Variants in AFF3 observed in about 807,000 individuals in gnomAD.
AFF3 encodes the protein ALF transcription elongation factor 3.
AFF3 carries 32 observed loss-of-function variants against 129.7 expected under a neutral mutation model. The observed-to-expected ratio is 0.25, with a 90% confidence interval of 0.19 to 0.33. AFF3 has a LOEUF of 0.33. Ranked by LOEUF, AFF3 falls within the 10% of genes least tolerant of loss-of-function variation. AFF3 has a pLI of 1.00. For missense variants in AFF3, 1,373 were observed against 1,592.0 expected (o/e 0.86, Z 2.34); for synonymous variants, 644 against 635.4 (o/e 1.01, Z -0.20).
chr2:99,551,431 A>G lies in AFF3; in HGVS notation c.*43T>C. On this transcript the variant is annotated 3_prime_UTR_variant, in exon 25 of 25. Coordinates refer to ENST00000672756, the MANE Select transcript of AFF3 (RefSeq NM_001386135.1). ...GCACAGTGTCCAAAAACGTTGAGCC[A>G]TCTGTGGAGACCAGAGCCCACTCTG... 1 of 1,612,056 alleles carries G rather than the reference A, an allele frequency of 6.2e-7. No homozygotes were observed.
intron 3 of AFF3, chr2:100,105,205 G>T: frequency 2.8e-6 from 2 of 718,200 alleles, no homozygotes; most frequent in Non-Finnish European, 3.7e-6. Flanking sequence ...TTCTCCCGCG[G>T]CCCAGAATCC....
intron 18 of AFF3, among the ~76,000 whole-genome samples, chr2:99,576,459 T>A (rs1677005766): frequency 6.8e-6 from 1 of 147,250 alleles, no homozygotes; most frequent in African/African-American, 2.5e-5. Context: ...GAGGCTGCAC[T>A]GAGCCATGCT....
intron 8 of AFF3, among the ~76,000 whole-genome samples, chr2:99,802,712 T>C (rs1686037156): frequency 1.1e-5 from 1 of 87,058 alleles, no homozygotes; most frequent in African/African-American, 4.0e-5. Context: ...TTTTTTTTTT[T>C]GCAGCTATTG....
chr2:99,965,728 A>T (rs1677678118), intron 7 of AFF3, among the ~76,000 whole-genome samples: 1 of 152,228 alleles, frequency 6.6e-6, no homozygotes, highest in South Asian at 2.1e-4. Flanking sequence ...TCTGAGCCCA[A>T]GGCCCAGCCT....
intron 7 of AFF3, among the ~76,000 whole-genome samples, chr2:99,897,180 T>A (rs2106120865): frequency 6.6e-6 from 1 of 152,326 alleles, no homozygotes; most frequent in African/African-American, 2.4e-5. Context: ...TAATTTACCA[T>A]AATTATGATT....
At chr2:99,865,434 C>T (rs1281575583) in intron 7 of AFF3, among the ~76,000 whole-genome samples, 1 of 152,154 alleles carries the variant, frequency 6.6e-6, no homozygotes, top group African/African-American at 2.4e-5. Context: ...TGTCAAATTG[C>T]TTGGGTGAGC....
chr2:99,756,888 T>C (rs1000666317), intron 8 of AFF3, among the ~76,000 whole-genome samples: 7 of 152,232 alleles, frequency 4.6e-5, no homozygotes, highest in Admixed American at 3.3e-4. Flanking sequence ...CGAATACCTG[T>C]GAACTCATGA....
chr2:99,618,217 T>C (rs1207109097), intron 13 of AFF3, among the ~76,000 whole-genome samples: 1 of 139,902 alleles, frequency 7.1e-6, no homozygotes, highest in African/African-American at 2.7e-5. Context: ...AAAATGCTCA[T>C]AACATTCTTT....
intron 13 of AFF3, among the ~76,000 whole-genome samples, chr2:99,628,366 T>G (rs1682794719): frequency 6.6e-6 from 1 of 152,116 alleles, no homozygotes; most frequent in Non-Finnish European, 1.5e-5. Context: ...GCTTGCCTAT[T>G]GTTGGTGTAT....
intron 13 of AFF3, among the ~76,000 whole-genome samples, chr2:99,623,205 AG>A (rs1313814975): frequency 6.7e-6 from 1 of 150,200 alleles, no homozygotes; most frequent in East Asian, 2.0e-4. Context: ...ATGCCAAATA[AG>A]GGCAATGATC....
intron 17 of AFF3, among the ~76,000 whole-genome samples, chr2:99,579,746 G>GTATA (rs58622981): frequency 6.6e-6 from 1 of 150,614 alleles, no homozygotes; most frequent in African/African-American, 2.4e-5. Flanking sequence ...ATGTGTGTGT[G>GTATA]TATATATATA....
chr2:99,597,511 G>A (rs894711092), intron 14 of AFF3, among the ~76,000 whole-genome samples: 1 of 152,214 alleles, frequency 6.6e-6, no homozygotes, highest in Non-Finnish European at 1.5e-5. Flanking sequence ...GAGGCAGATT[G>A]CCACATCTCT....
At chr2:99,910,419 T>C (rs1184937011) in intron 7 of AFF3, among the ~76,000 whole-genome samples, 2 of 152,230 alleles carry the variant, frequency 1.3e-5, no homozygotes, top group African/African-American at 4.8e-5. Flanking sequence ...AAGGTCTAGA[T>C]AGAGGATACA....
At chr2:99,997,224 G>A (rs1444868273) in intron 7 of AFF3, among the ~76,000 whole-genome samples, 1 of 152,166 alleles carries the variant, frequency 6.6e-6, no homozygotes, top group East Asian at 1.9e-4. Flanking sequence ...ATGTCTAAGA[G>A]ACAACTCAAA....
intron 11 of AFF3, among the ~76,000 whole-genome samples, chr2:99,710,768 G>A (rs549579771): frequency 5.3e-5 from 8 of 152,264 alleles, no homozygotes; most frequent in South Asian, 2.1e-4. Context: ...AGTTAAAAGT[G>A]GGGGTGGAAT....
intron 8 of AFF3, among the ~76,000 whole-genome samples, chr2:99,818,808 T>C (rs1687434373): frequency 2.0e-5 from 3 of 152,202 alleles, no homozygotes; most frequent in Admixed American, 2.0e-4. Flanking sequence ...TACTAGAACA[T>C]GTATTATAAA....
intron 10 of AFF3, among the ~76,000 whole-genome samples, chr2:99,731,539 T>C (rs1679833640): frequency 6.6e-6 from 1 of 152,196 alleles, no homozygotes; most frequent in Non-Finnish European, 1.5e-5. Context: ...CACAGCTATG[T>C]CTTTCCTTTT....
intron 4 of AFF3, among the ~76,000 whole-genome samples, chr2:100,062,075 G>A (rs1333779976): frequency 1.3e-5 from 2 of 152,240 alleles, no homozygotes; most frequent in African/African-American, 4.8e-5. Context: ...GAAGCCAGAT[G>A]TAGAATTTAT....
At chr2:100,141,501 C>A (rs866004112) in intron 1 of AFF3, among the ~76,000 whole-genome samples, 2 of 152,154 alleles carry the variant, frequency 1.3e-5, no homozygotes, top group African/African-American at 4.8e-5. Flanking sequence ...ATGGCAGAGA[C>A]AACATTTTTT....
Sources: allele counts gnomAD v4.1 joint callset (sites outside exome capture counted in the v4.1 genomes callset), GRCh38; gene constraint gnomAD v4.1.1; transcripts MANE v1.5; gene names NCBI Gene and HGNC (gene_info 2026-07-23, HGNC 2026-07-21).